Variants in PFKFB2 observed in about 807,000 individuals in gnomAD.
The protein encoded by PFKFB2 is 6-phosphofructo-2-kinase/fructose-2,6-bisphosphatase 2.
PFKFB2 carries 53 observed loss-of-function variants against 68.0 expected under a neutral mutation model. That is an observed-to-expected ratio of 0.78 (90% CI 0.63 to 0.98). The LOEUF (loss-of-function observed/expected upper bound fraction) is 0.98. PFKFB2 is among the 50% of genes least tolerant of loss of function. The probability of loss-of-function intolerance (pLI) is 0.00; values close to 1 mark genes in which losing one functional copy is unlikely to be tolerated. For missense variants in PFKFB2, 451 were observed against 642.0 expected (o/e 0.70, Z 3.22); for synonymous variants, 222 against 227.6 (o/e 0.98, Z 0.22).
In PFKFB2 at chr1:207,063,100, T is replaced by G; in HGVS notation, c.309-43T>G. ...CCGAATGTTTGTGTCTCTGACTGTTTGAGCTTAGCTCTCCTTGCTGGTTTC... is the reference window on the plus strand; with the variant it reads ...CCGAATGTTTGTGTCTCTGACTGTTGGAGCTTAGCTCTCCTTGCTGGTTTC... On this transcript the variant is annotated intron_variant, in intron 4 of 14. Coordinates refer to ENST00000367080, the MANE Select transcript of PFKFB2 (RefSeq NM_006212.2). The surrounding 1 kb of genome is among the most constrained non-coding windows in gnomAD (Gnocchi z 4.1). 1.4e-5 allele frequency: 22 copies of G among 1,540,492 alleles called. No homozygotes were observed. The highest frequency in any genetic ancestry group is 2.0e-5 in the Non-Finnish European group (22 of 1,113,798).
upstream of PFKFB2, chr1:207,048,836 C>A (rs994003042): frequency 1.1e-5 from 7 of 612,358 alleles, no homozygotes; most frequent in South Asian, 1.4e-4. Flanking sequence ...TGTAGACACA[C>A]ATCTGTAAAC....
Position 207,063,081 on chromosome 1 carries a change from G to C in PFKFB2, c.309-62G>C. 7.2e-7 allele frequency: 1 copy of C among 1,390,370 alleles called. No homozygotes were observed. Among genetic ancestry groups the C allele is most frequent in the Non-Finnish European group, 1.0e-6 (1 of 977,470 alleles). 86.1% of individuals were successfully genotyped at this position (1,390,370 alleles called of 1,614,324 possible). ...ATGTGACTTCTGTAGCCACCCGAAT[G>C]TTTGTGTCTCTGACTGTTTGAGCTT... On this transcript the variant is annotated intron_variant, in intron 4 of 14. Transcript: ENST00000367080. The surrounding 1 kb of genome is among the most constrained non-coding windows in gnomAD (Gnocchi z 4.1).
Position 207,063,067 on chromosome 1 carries a change from G to C in PFKFB2, c.309-76G>C. ...CTAAGTGGGCAGGGATGTGACTTCT[G>C]TAGCCACCCGAATGTTTGTGTCTCT... On this transcript the variant is annotated intron_variant, in intron 4 of 14. Coordinates refer to ENST00000367080, the MANE Select transcript of PFKFB2 (RefSeq NM_006212.2). The surrounding 1 kb of genome is among the most constrained non-coding windows in gnomAD (Gnocchi z 4.1). The C allele has an allele frequency of 8.1e-7, 1 of 1,241,158 alleles. No homozygotes were observed. The highest frequency in any genetic ancestry group is 1.2e-6 in the Non-Finnish European group (1 of 842,240). The allele number at this position is 1,241,158 out of a possible 1,614,324, so 76.9% of individuals were successfully genotyped here. A position where few individuals can be genotyped will look rare whatever the true frequency, so the allele number is the denominator to read the frequency against.
Position 207,073,197 on chromosome 1 carries a change from TGG to T in PFKFB2, c.*827_*828del. ...GGCTCTGAGCATGTGGGAAATGTCTTGGTTTTTATTTTTAATTTAGAGTCAGG... is the reference window on the plus strand; with the variant it reads ...GGCTCTGAGCATGTGGGAAATGTCTTTTTTTATTTTTAATTTAGAGTCAGG... On this transcript the variant is annotated 3_prime_UTR_variant, in exon 15 of 15. Transcript: ENST00000367080. 1.0e-6 allele frequency: 1 copy of T among 985,530 alleles called. No individual in the cohort carries two copies. Among genetic ancestry groups the T allele is most frequent in the Admixed American group, 6.1e-5 (1 of 16,290 alleles). 61.0% of individuals were successfully genotyped at this position (985,530 alleles called of 1,614,324 possible). A position where few individuals can be genotyped will look rare whatever the true frequency, so the allele number is the denominator to read the frequency against.
upstream of PFKFB2, chr1:207,050,661 T>C: frequency 6.2e-7 from 1 of 1,610,688 alleles, no homozygotes; most frequent in Non-Finnish European, 8.5e-7. Context: ...CCCGGGACTT[T>C]CCCTGGCCCC....
Position 207,068,275 on chromosome 1 carries a change from A to G in PFKFB2, c.953A>G (p.Tyr318Cys), listed in dbSNP as rs955937201. The G allele has an allele frequency of 3.7e-6, 6 of 1,606,460 alleles. No homozygotes were observed. Among genetic ancestry groups the G allele is most frequent in the African/African-American group, 1.3e-5 (1 of 74,474 alleles). Residue 318 changes from tyrosine (Y) to cysteine (C), a missense_variant, in exon 10 of 15, where the codon TAT becomes TGT. By Grantham distance (194) the Tyr-to-Cys change is radical. Transcript: ENST00000367080. Reference protein sequence around the residue: ...IQTAESLGVPYEQWKILNEID... With the variant: ...IQTAESLGVPCEQWKILNEID... ...ACTGCTGAATCTCTCGGGGTGCCCT[A>G]TGAGCAGTGGAAGATTCTGAATGAG... is the stretch of plus-strand genomic sequence containing the variant.
chr1:207,035,786 T>C (rs1682366275), intron 1 of PFKFB2, among the ~76,000 whole-genome samples: 1 of 152,102 alleles, frequency 6.6e-6, no homozygotes, highest in Non-Finnish European at 1.5e-5. Flanking sequence ...AAGCTTACAA[T>C]CGTAACAGCA....
chr1:207,061,557 T>C (rs758868451), intron 2 of PFKFB2, among the ~76,000 whole-genome samples: 14 of 152,168 alleles, frequency 9.2e-5, no homozygotes, highest in Non-Finnish European at 2.1e-4. Flanking sequence ...AATGAGATTA[T>C]GACTATGAAG....
chr1:207,076,430 T>G lies in PFKFB2; in HGVS notation c.*4059T>G. ...CCCAGAAGCCATGTTGTGTTCATTG[T>G]TAAGAAATTTGATAGATTTACCCAG... is the stretch of plus-strand genomic sequence containing the variant. On this transcript the variant is annotated 3_prime_UTR_variant, in exon 15 of 15. Transcript: ENST00000367080. The G allele has an allele frequency of 2.0e-6, 2 of 985,264 alleles. No homozygotes were observed. Among genetic ancestry groups the G allele is most frequent in the Non-Finnish European group, 2.4e-6 (2 of 829,820 alleles). 61.0% of individuals were successfully genotyped at this position (985,264 alleles called of 1,614,324 possible).
chr1:207,052,168 A>G (rs1682768265), upstream of PFKFB2: 13 of 1,611,740 alleles, frequency 8.1e-6, no homozygotes, highest in Non-Finnish European at 1.1e-5. Flanking sequence ...AGTGTAGTTC[A>G]CTTGGTGCAA....
chr1:207,054,593 G>T, intron 1 of PFKFB2, 108 bp from the exon 2 acceptor site: 1 of 660,386 alleles, frequency 1.5e-6, no homozygotes, highest in Non-Finnish European at 2.6e-6. Context: ...CTGCCTCTTG[G>T]CCCAGGGTGT....
In PFKFB2 at chr1:207,042,549, C is replaced by CAAAAAAAAAAAAAAAAAAAAAA. The variant is rs57077682; in HGVS notation, c.-18+348_-18+369dup. Among the ~76,000 whole-genome samples, 23 of 44,712 alleles carry CAAAAAAAAAAAAAAAAAAAAAA rather than the reference C, an allele frequency of 5.1e-4. 6 individuals carry two copies. Among genetic ancestry groups the CAAAAAAAAAAAAAAAAAAAAAA allele is most frequent in the Non-Finnish European group, 6.8e-4 (16 of 23,620 alleles). 29.3% of individuals were successfully genotyped at this position (44,712 alleles called of 152,430 possible). On this transcript the variant is annotated intron_variant, in intron 2 of 5. Coordinates refer to the PFKFB2 transcript ENST00000545806. ...GGCGACACAGCAACACTCTGTCTCA[C>CAAAAAAAAAAAAAAAAAAAAAA]AAAAAAAAAAAAAAAAAAAAAAAAA...
chr1:207,077,163 G>T lies in PFKFB2; in HGVS notation c.*4792G>T, dbSNP rs1683650273. ...ATCTCATCCAGTCCCCTGCTTTAGGGCAGGACTTCAGTTCCACTGTTCATT... is the reference window on the plus strand; with the variant it reads ...ATCTCATCCAGTCCCCTGCTTTAGGTCAGGACTTCAGTTCCACTGTTCATT... On this transcript the variant is annotated 3_prime_UTR_variant, in exon 15 of 15. Transcript: ENST00000367080. 1 of 982,804 alleles carries T rather than the reference G, an allele frequency of 1.0e-6. No individual in the cohort carries two copies. Among genetic ancestry groups the T allele is most frequent in the African/African-American group, 1.8e-5 (1 of 54,960 alleles). 60.9% of individuals were successfully genotyped at this position (982,804 alleles called of 1,614,324 possible).
intron 3 of PFKFB2, 88 bp downstream of exon 3, chr1:207,062,166 G>T (rs912610303): frequency 8.4e-6 from 13 of 1,545,844 alleles, no homozygotes; most frequent in African/African-American, 5.5e-5. Flanking sequence ...TGGCATCAAT[G>T]CTATAGGGTG....
upstream of PFKFB2, chr1:207,048,899 A>C (rs1682662789): frequency 1.1e-6 from 1 of 914,740 alleles, no homozygotes; most frequent in Non-Finnish European, 1.7e-6. Flanking sequence ...AGTGGTTTTA[A>C]GTTAAAAGGA....
rs572110449 is a variant in PFKFB2 at position 207,063,888 on chromosome 1, G to GGGGTGTGT, written c.507+60_507+61insGGTGTGTG. The GGGGTGTGT allele has an allele frequency of 4.0e-4, 405 of 1,016,414 alleles. 21 individuals are homozygous for GGGGTGTGT. Among genetic ancestry groups the GGGGTGTGT allele is most frequent in the Non-Finnish European group, 4.9e-4 (319 of 650,978 alleles). 63.0% of individuals were successfully genotyped at this position (1,016,414 alleles called of 1,614,324 possible). On this transcript the variant is annotated intron_variant, in intron 7 of 14. Transcript: ENST00000367080. The surrounding 1 kb of genome is among the most constrained non-coding windows in gnomAD (Gnocchi z 4.1). ...ACCTTTTGTGCTGTGTGTGTTGTGG[G>GGGGTGTGT]GTGTGTGTGTGTGTGTGTGTGTGTG...
At position 207,063,398 on chromosome 1, in the gene PFKFB2, T is replaced by C; in HGVS notation, c.427T>C (p.Phe143Leu). Reference protein sequence around the residue: ...TRERRDMILNFAEQNSFKVFF... With the variant: ...TRERRDMILNLAEQNSFKVFF... ...GGAGAGGAGGGACATGATTTTGAAC[T>C]TTGCTGAACAGAATTCCTTCAAGGT... Residue 143 changes from phenylalanine to leucine, a missense_variant, in exon 6 of 15, where the codon TTT becomes CTT. Transcript: ENST00000367080. The surrounding 1 kb of genome is among the most constrained non-coding windows in gnomAD (Gnocchi z 4.1). 1 of 1,613,662 alleles carries C rather than the reference T, an allele frequency of 6.2e-7. No homozygotes were observed. Among genetic ancestry groups the C allele is most frequent in the Non-Finnish European group, 8.5e-7 (1 of 1,179,630 alleles).
At chr1:207,061,869 A>G in intron 2 of PFKFB2, 84 bp from the exon 3 acceptor site, 2 of 1,192,816 alleles carry the variant, frequency 1.7e-6, no homozygotes. Context: ...TGACAGAGTG[A>G]GACTCCGTCT....
At chr1:207,058,602 A>G (rs1682997911) in intron 2 of PFKFB2, among the ~76,000 whole-genome samples, 1 of 152,030 alleles carries the variant, frequency 6.6e-6, no homozygotes, top group Non-Finnish European at 1.5e-5. Flanking sequence ...TTTTTTGTAA[A>G]TCTTTTTTTT....
Sources: gnomAD v4.1 joint callset for allele counts (sites outside exome capture counted in the v4.1 genomes callset) on GRCh38, gnomAD v4.1.1 for gene constraint, Gnocchi (gnomAD v3.1) non-coding constraint, MANE v1.5 for transcripts, NCBI Gene and HGNC (gene_info 2026-07-23, HGNC 2026-07-21) for gene names.